The following NDUFA10 variants were observed in gnomAD, a reference collection of about 807,000 sequenced individuals.
NDUFA10 encodes NADH dehydrogenase [ubiquinone] 1 alpha subcomplex subunit 10, mitochondrial.
Under a neutral mutation model 47.8 loss-of-function variants are expected in NDUFA10, and 40 were observed. That is an observed-to-expected ratio of 0.84 (90% CI 0.65 to 1.09). The LOEUF is 1.09. Among genes scored for constraint, NDUFA10 ranks in the 50% least tolerant of loss-of-function variants. NDUFA10 has a pLI of 0.00. For missense variants in NDUFA10, 413 were observed against 451.1 expected, an observed-to-expected ratio of 0.92 and a Z score of 0.76; for synonymous variants, 183 against 172.2, an observed-to-expected ratio of 1.06 and a Z score of -0.49.
At chr2:239,919,408 C>A (rs2106366971) in intron 4 of NDUFA10, among the ~76,000 whole-genome samples, 1 of 147,180 alleles carries the variant, frequency 6.8e-6, no homozygotes, top group South Asian at 2.2e-4. Flanking sequence ...CTTCTGTCTC[C>A]TTCTAGAATG....
chr2:240,001,121 A>T (rs919817798), intron 8 of NDUFA10, among the ~76,000 whole-genome samples: 17 of 152,234 alleles, frequency 1.1e-4, no homozygotes, highest in Non-Finnish European at 2.2e-4. Context: ...TGGGGCATGC[A>T]CAGAAAAAAA....
chr2:239,943,569 T>A (rs536021709), intron 4 of NDUFA10, among the ~76,000 whole-genome samples: 1 of 152,242 alleles, frequency 6.6e-6, no homozygotes, highest in Non-Finnish European at 1.5e-5. Context: ...TAGTTTTTCC[T>A]TTCTATTCTG....
At chr2:239,946,254 C>T (rs1377618594) in intron 4 of NDUFA10, among the ~76,000 whole-genome samples, 4 of 152,206 alleles carry the variant, frequency 2.6e-5, no homozygotes, top group African/African-American at 9.6e-5. Flanking sequence ...CCCAGGTGGT[C>T]ATGAGCCCTG....
intron 6 of NDUFA10, 61 bp downstream of exon 6, chr2:240,011,556 G>T: frequency 2.3e-6 from 3 of 1,330,234 alleles, no homozygotes; most frequent in Non-Finnish European, 3.3e-6. Context: ...GGCTGTTGGG[G>T]CCTAAGAAAC....
At chr2:239,954,858 G>A (rs12467120), downstream of NDUFA10, among the ~76,000 whole-genome samples, 47,458 of 152,108 alleles carry the variant, frequency 0.31, 7,822 homozygotes, top group East Asian at 0.48. Flanking sequence ...GACACAGCCC[G>A]GAAGTGTGAG....
At chr2:239,915,725 A>G (rs2106475812) in intron 4 of NDUFA10, among the ~76,000 whole-genome samples, 1 of 147,764 alleles carries the variant, frequency 6.8e-6, no homozygotes, top group East Asian at 1.9e-4. Context: ...ACAAATATAC[A>G]GAGACACACA....
chr2:239,916,708 C>T lies in NDUFA10; in HGVS notation c.295-21394G>A, dbSNP rs114556161. On this transcript the variant is annotated intron_variant, in intron 4 of 5. Transcript: ENST00000419408. ...CGAGGGCCGCTCTCTGCTCCCAGGA[C>T]GGCACCTTGTGCTGCCACCTCTGGG... Among the ~76,000 whole-genome samples the T allele has an allele frequency of 3.1e-3, 479 of 152,380 alleles. 3 individuals carry two copies. Among genetic ancestry groups the T allele is most frequent in the African/African-American group, 0.011 (451 of 41,602 alleles).
intron 9 of NDUFA10, among the ~76,000 whole-genome samples, chr2:239,969,124 G>A (rs1229681422): frequency 6.6e-6 from 1 of 152,206 alleles, no homozygotes; most frequent in African/African-American, 2.4e-5. Flanking sequence ...CTCGGCGTAT[G>A]AAACAGGAAA....
intron 9 of NDUFA10, among the ~76,000 whole-genome samples, chr2:239,962,932 G>C (rs1694913430): frequency 6.6e-6 from 1 of 152,072 alleles, no homozygotes; most frequent in African/African-American, 2.4e-5. Flanking sequence ...CATTCATGAA[G>C]GATCTACTCC....
At chr2:240,018,362 C>T (rs929689995) in intron 4 of NDUFA10, 191 bp downstream of exon 4, 26 of 1,501,446 alleles carry the variant, frequency 1.7e-5, no homozygotes, top group Non-Finnish European at 2.2e-5. Context: ...ACAAAAGACA[C>T]CTATTTCAGG....
At chr2:240,014,383 G>A (rs924320202) in intron 5 of NDUFA10, 5 of 349,618 alleles carry the variant, frequency 1.4e-5, no homozygotes, top group South Asian at 2.5e-5. Context: ...GGAAGAAAAC[G>A]ATAGGACACA....
At chr2:239,966,844 ATTTC>A (rs778534415) in intron 9 of NDUFA10, among the ~76,000 whole-genome samples, 1 of 134,402 alleles carries the variant, frequency 7.4e-6, no homozygotes, top group African/African-American at 2.8e-5. Context: ...ATGTGCAAGG[ATTTC>A]TTTTTTTTTT....
At chr2:240,010,380 G>A (rs1347018645) in intron 6 of NDUFA10, among the ~76,000 whole-genome samples, 2 of 152,110 alleles carry the variant, frequency 1.3e-5, no homozygotes, top group Non-Finnish European at 2.9e-5. Context: ...GCTGAAACCA[G>A]CCATTATTTT....
intron 8 of NDUFA10, among the ~76,000 whole-genome samples, chr2:239,996,342 C>T (rs1001778322): frequency 6.6e-6 from 1 of 152,160 alleles, no homozygotes; most frequent in African/African-American, 2.4e-5. Context: ...ACAGTGTATT[C>T]TCAGACCACA....
chr2:239,958,182 T>G lies in NDUFA10; in HGVS notation c.*2936A>C, dbSNP rs922280043. On this transcript the variant is annotated 3_prime_UTR_variant, in exon 10 of 10. Coordinates refer to ENST00000252711, the MANE Select transcript of NDUFA10 (RefSeq NM_004544.4). ...AAAAAGCCCCAATTTCTGACAGCCATGGCAGCTTTCCCTCCACCCCTATTT... is the reference window on the plus strand; with the variant it reads ...AAAAAGCCCCAATTTCTGACAGCCAGGGCAGCTTTCCCTCCACCCCTATTT... 6.6e-6 allele frequency: 1 copy of G among 152,182 alleles called. No individual in the cohort carries two copies. Among genetic ancestry groups the G allele is most frequent in the African/African-American group, 2.4e-5 (1 of 41,448 alleles). The allele number at this position is 152,182 out of a possible 1,614,324, so 9.4% of individuals were successfully genotyped here.
At position 239,945,755 on chromosome 2, in the gene NDUFA10, GC is replaced by G. The variant is rs1694442110; in HGVS notation, c.294+44318del. 6.6e-6 allele frequency among the ~76,000 whole-genome samples: 1 copy of G among 152,230 alleles called. No homozygotes were observed. The highest frequency in any genetic ancestry group is 1.5e-5 in the Non-Finnish European group (1 of 68,044). On this transcript the variant is annotated intron_variant, in intron 4 of 5. Coordinates refer to the NDUFA10 transcript ENST00000419408. This position sits in a 1 kb window ranked among gnomAD's most constrained non-coding sequence, Gnocchi z 4.6. Reference sequence around the variant, plus strand: ...AATGAATGTGCACACCAAGAGAAGTGCTGCAGCTCAACCAGGCATCACGGCC... The same window carrying G: ...AATGAATGTGCACACCAAGAGAAGTGTGCAGCTCAACCAGGCATCACGGCC...
intron 4 of NDUFA10, among the ~76,000 whole-genome samples, chr2:239,932,601 A>G (rs555448597): frequency 6.0e-4 from 91 of 151,080 alleles, no homozygotes; most frequent in African/African-American, 2.2e-3. Context: ...TTTTTTTGAG[A>G]CGGAGTCTCG....
intron 1 of NDUFA10, among the ~76,000 whole-genome samples, chr2:240,022,771 T>C (rs1383511103): frequency 6.6e-6 from 1 of 152,038 alleles, no homozygotes; most frequent in Non-Finnish European, 1.5e-5. Context: ...CCCCATGTCC[T>C]GACCTCGTTA....
chr2:239,995,855 C>A (rs1175541708), intron 8 of NDUFA10, among the ~76,000 whole-genome samples: 1 of 152,156 alleles, frequency 6.6e-6, no homozygotes, highest in Non-Finnish European at 1.5e-5. Context: ...CATTACATAA[C>A]GATAAAGCGG....
Sources: gnomAD v4.1 joint callset for allele counts (sites outside exome capture counted in the v4.1 genomes callset) on GRCh38, gnomAD v4.1.1 for gene constraint, Gnocchi (gnomAD v3.1) non-coding constraint, MANE v1.5 for transcripts, NCBI Gene and HGNC (gene_info 2026-07-23, HGNC 2026-07-21) for gene names.